The following EIF2D variants were observed in gnomAD, a reference collection of about 807,000 sequenced individuals.
EIF2D encodes hepatocellular carcinoma-associated antigen 56.
A neutral mutation model predicts 77.4 loss-of-function variants in EIF2D; 56 were observed. The observed-to-expected ratio is 0.72, with a 90% CI of 0.58 to 0.90. The LOEUF is 0.90. Ranked by LOEUF, EIF2D falls within the 40% of genes least tolerant of loss-of-function variation. The pLI, the probability that EIF2D is intolerant of heterozygous loss-of-function variation, is 0.00. For missense variants in EIF2D, 574 were observed against 706.5 expected, an observed-to-expected ratio of 0.81 and a Z score of 2.13; for synonymous variants, 230 against 271.0, an observed-to-expected ratio of 0.85 and a Z score of 1.49.
rs782358358 is a variant in EIF2D, at chr1:206,584,373, GC to G, written c.139-3212del. ...GGACGGCCCTGACCCCCTGTGACAT[GC>G]CCCCGCTGGCAGAGTGAAGACGGCA... On this transcript the variant is annotated intron_variant and NMD_transcript_variant, in intron 2 of 5. Coordinates refer to the EIF2D transcript ENST00000472709. The surrounding 1 kb of genome is among the most constrained non-coding windows in gnomAD (Gnocchi z 4.9). The G allele has an allele frequency of 5.6e-6, 9 of 1,600,068 alleles. No homozygotes were observed. The South Asian group carries it at 1.0e-4, about 18-fold the overall frequency.
chr1:206,593,373 T>C (rs530688721), intron 14 of EIF2D, among the ~76,000 whole-genome samples: 1 of 151,994 alleles, frequency 6.6e-6, no homozygotes, highest in East Asian at 1.9e-4. Flanking sequence ...ACTACTCTAA[T>C]AGTGGAAGAG....
intron 4 of EIF2D, among the ~76,000 whole-genome samples, chr1:206,574,645 T>C (rs1553404835): frequency 6.6e-6 from 1 of 152,180 alleles, no homozygotes; most frequent in East Asian, 1.9e-4. Flanking sequence ...GGGAACACAG[T>C]TAAGGAGTTC....
intron 2 of EIF2D, chr1:206,586,482 C>A: frequency 4.4e-6 from 1 of 228,474 alleles, no homozygotes; most frequent in South Asian, 5.9e-5. Flanking sequence ...ACTCCTCCAC[C>A]TGCTTTCTGA....
In EIF2D at chr1:206,599,558, C is replaced by A. The variant is rs1553410825; in HGVS notation, c.1107G>T (p.Glu369Asp). The A allele has an allele frequency of 3.1e-6, 5 of 1,609,110 alleles. No homozygotes were observed. The highest frequency in any genetic ancestry group is 4.2e-6 in the Non-Finnish European group (5 of 1,177,658). ...GGTGATAGGGCTGTTCCCTGCTACC[C>A]TCCTGGATAGTCTGGGAGGTCGGGG... is the stretch of plus-strand genomic sequence containing the variant. ...EPSPTSQTIQ[E>D]GSREQPYHPP... The change falls in exon 10 of 15, where the codon GAG becomes GAT. Residue 369 changes from glutamate to aspartate, a missense_variant. Physicochemically the swap from Glu to Asp is conservative, Grantham distance 45. Transcript: ENST00000271764. The surrounding 1 kb of genome is among the most constrained non-coding windows in gnomAD (Gnocchi z 4.1).
At position 206,609,058 on chromosome 1, in the gene EIF2D, A is replaced by T. The variant is rs386638799; in HGVS notation, c.331+318T>A. Among the ~76,000 whole-genome samples, 299 of 151,308 alleles carry T rather than the reference A, an allele frequency of 2.0e-3. 5 individuals are homozygous for T. Among genetic ancestry groups the T allele is most frequent in the African/African-American group, 6.3e-3 (257 of 41,040 alleles). ...CAGAGTGAGACTCCATCTCAAAAAA[A>T]AAAAAATAAAAAAAGTTTGAGTAGC... is the stretch of plus-strand genomic sequence containing the variant. On this transcript the variant is annotated intron_variant, in intron 3 of 14. Transcript: ENST00000271764.
Position 206,584,759 on chromosome 1 carries a change from CG to C in EIF2D, c.139-3598del. 1 of 1,525,720 alleles carries C rather than the reference CG, an allele frequency of 6.6e-7. No homozygotes were observed. Among genetic ancestry groups the C allele is most frequent in the Non-Finnish European group, 9.0e-7 (1 of 1,116,458 alleles). The allele number at this position is 1,525,720 out of a possible 1,614,324, so 94.5% of individuals were successfully genotyped here. On this transcript the variant is annotated intron_variant and NMD_transcript_variant, in intron 2 of 5. Coordinates refer to the EIF2D transcript ENST00000472709. This position sits in a 1 kb window ranked among gnomAD's most constrained non-coding sequence, Gnocchi z 4.9. ...CAAGCCCACCCACTAAAACTCCTGCCGGCCTTGGGTGGGAGCTGTGGGCTTC... is the reference window on the plus strand; with the variant it reads ...CAAGCCCACCCACTAAAACTCCTGCCGCCTTGGGTGGGAGCTGTGGGCTTC...
intron 4 of EIF2D, among the ~76,000 whole-genome samples, chr1:206,578,584 C>G (rs1553405648): frequency 6.6e-6 from 1 of 152,062 alleles, no homozygotes; most frequent in East Asian, 1.9e-4. Context: ...GAAAGACTGA[C>G]AAATTTAAAA....
intron 2 of EIF2D, among the ~76,000 whole-genome samples, chr1:206,581,697 C>T (rs547732714): frequency 5.3e-5 from 8 of 150,932 alleles, no homozygotes; most frequent in African/African-American, 2.0e-4. Flanking sequence ...AGGATGTCAG[C>T]TGTGCTGAGG....
At chr1:206,610,481 T>A (rs1670416561) in intron 2 of EIF2D, among the ~76,000 whole-genome samples, 1 of 152,096 alleles carries the variant, frequency 6.6e-6, no homozygotes, top group South Asian at 2.1e-4. Flanking sequence ...ATCACACCAC[T>A]GCACTTCAGC....
rs1043298164 is a variant in EIF2D, at chr1:206,592,506, T to C, written c.1685-661A>G. On this transcript the variant is annotated intron_variant, in intron 14 of 14. Coordinates refer to ENST00000271764, the MANE Select transcript of EIF2D (RefSeq NM_006893.3). The surrounding 1 kb of genome is among the most constrained non-coding windows in gnomAD (Gnocchi z 4.7). ...AGGGGATAGCCCAGGCGGAAGCACA[T>C]GTGGGTGAACATGCAAGGAGAATCT... Among the ~76,000 whole-genome samples, 2 of 152,040 alleles carry C rather than the reference T, an allele frequency of 1.3e-5. No individual in the cohort carries two copies. Among genetic ancestry groups the C allele is most frequent in the Non-Finnish European group, 2.9e-5 (2 of 68,004 alleles).
In EIF2D at chr1:206,584,764, T is replaced by C. The variant is rs1553407240; in HGVS notation, c.139-3602A>G. 1 of 1,487,692 alleles carries C rather than the reference T, an allele frequency of 6.7e-7. No individual in the cohort carries two copies. Among genetic ancestry groups the C allele is most frequent in the Non-Finnish European group, 9.2e-7 (1 of 1,085,596 alleles). The allele number at this position is 1,487,692 out of a possible 1,614,324, so 92.2% of individuals were successfully genotyped here. ...CCACCCACTAAAACTCCTGCCGGCCTTGGGTGGGAGCTGTGGGCTTCTCCT... is the reference window on the plus strand; with the variant it reads ...CCACCCACTAAAACTCCTGCCGGCCCTGGGTGGGAGCTGTGGGCTTCTCCT... On this transcript the variant is annotated intron_variant and NMD_transcript_variant, in intron 2 of 5. Transcript: ENST00000472709. The surrounding 1 kb of genome is among the most constrained non-coding windows in gnomAD (Gnocchi z 4.9).
chr1:206,609,037 G>C (rs1445612861), intron 3 of EIF2D, among the ~76,000 whole-genome samples: 68 of 151,710 alleles, frequency 4.5e-4, no homozygotes, highest in African/African-American at 1.5e-3. Context: ...GAGCAACAGA[G>C]TGAGACTCCA....
Position 206,600,328 on chromosome 1 carries a change from G to T in EIF2D, c.903-20C>A. On this transcript the variant is annotated intron_variant, in intron 7 of 14. Transcript: ENST00000271764. ...TCGGGGCTGATGGCAGATGGAAAAGGCAAATTAAACTAATGAGCAGTCATA... is the reference window on the plus strand; with the variant it reads ...TCGGGGCTGATGGCAGATGGAAAAGTCAAATTAAACTAATGAGCAGTCATA... 1.2e-6 allele frequency: 2 copies of T among 1,612,604 alleles called. No individual in the cohort carries two copies. Among genetic ancestry groups the T allele is most frequent in the Non-Finnish European group, 1.7e-6 (2 of 1,178,874 alleles).
intron 2 of EIF2D, chr1:206,585,346 G>C: frequency 7.4e-7 from 1 of 1,349,676 alleles, no homozygotes; most frequent in Middle Eastern, 1.8e-4. Flanking sequence ...CCCTGGGTGG[G>C]TGCAGGTGGG....
At chr1:206,607,259 A>G (rs1553412894) in intron 4 of EIF2D, among the ~76,000 whole-genome samples, 4 of 152,250 alleles carry the variant, frequency 2.6e-5, no homozygotes, top group Admixed American at 1.3e-4. Flanking sequence ...AAAATAACAC[A>G]TACACAGTAT....
In EIF2D at chr1:206,591,831, G is replaced by A. The variant is rs782781640; in HGVS notation, c.1699C>T (p.Pro567Ser). ...TCTAGACCTTGGATGTGTTTTCGAG[G>A]GAGCTGATACTCTTCTACAATCCAA... ...GWLLLEEYQL[P>S]RKHIQGLEKA... is the part of the protein sequence containing the mutation. The change falls in exon 15 of 15, where the codon CCT becomes TCT. Residue 567 changes from proline to serine, a missense_variant. Transcript: ENST00000271764. 6.2e-7 allele frequency: 1 copy of A among 1,614,024 alleles called. No homozygotes were observed. The highest frequency in any genetic ancestry group is 1.1e-5 in the South Asian group (1 of 91,072).
In EIF2D at chr1:206,609,479, G is replaced by T. The variant is rs782480385; in HGVS notation, c.248-20C>A. On this transcript the variant is annotated intron_variant, in intron 2 of 14. Coordinates refer to ENST00000271764, the MANE Select transcript of EIF2D (RefSeq NM_006893.3). ...TGTACACTGTACAAAAAGAGATCCA[G>T]AAAACACTACTACCAAAAAGCCAAT... is the stretch of plus-strand genomic sequence containing the variant. 3 of 1,599,626 alleles carry T rather than the reference G, an allele frequency of 1.9e-6. No homozygotes were observed. Among genetic ancestry groups the T allele is most frequent in the Non-Finnish European group, 2.6e-6 (3 of 1,171,484 alleles).
chr1:206,602,726 C>T (rs1320368205), intron 6 of EIF2D: 5 of 696,898 alleles, frequency 7.2e-6, no homozygotes, highest in Non-Finnish European at 9.4e-6. Flanking sequence ...TAGCTGAAGA[C>T]AGGCAAATGC....
At chr1:206,595,980 AG>A (rs1227933926) in intron 12 of EIF2D, 142 bp from the exon 13 acceptor site, 5 of 1,147,740 alleles carry the variant, frequency 4.4e-6, no homozygotes, top group Middle Eastern at 2.0e-4. Flanking sequence ...TCAAATCCCT[AG>A]GGAGCTACAG....
Sources: gnomAD v4.1 joint callset for allele counts (sites outside exome capture counted in the v4.1 genomes callset) on GRCh38, gnomAD v4.1.1 for gene constraint, Gnocchi (gnomAD v3.1) non-coding constraint, MANE v1.5 for transcripts, NCBI Gene and HGNC (gene_info 2026-07-23, HGNC 2026-07-21) for gene names.